The following COL12A1 variants were observed in gnomAD, a reference collection of about 807,000 sequenced individuals.
The protein encoded by COL12A1 is collagen type XII alpha 1 chain.
Under a neutral mutation model 349.7 loss-of-function variants are expected in COL12A1, and 114 were observed. That is an observed-to-expected ratio of 0.33 (90% CI 0.28 to 0.38). The LOEUF (loss-of-function observed/expected upper bound fraction) is 0.38. Ranked by LOEUF, COL12A1 falls within the 10% of genes least tolerant of loss-of-function variation. The pLI, the probability that COL12A1 is intolerant of heterozygous loss-of-function variation, is 1.00. For synonymous variants in COL12A1, 1,369 were observed against 1,329.0 expected (o/e 1.03, Z -0.66); for missense variants, 3,284 against 3,756.9 (o/e 0.87, Z 3.29).
At chr6:75,095,609 G>A (rs531043333) in intron 59 of COL12A1, among the ~76,000 whole-genome samples, 2 of 129,476 alleles carry the variant, frequency 1.5e-5, no homozygotes, top group Non-Finnish European at 3.0e-5. Flanking sequence ...GGGCGACAGA[G>A]CGAGACTCCG....
rs761346214 is a variant in COL12A1, at chr6:75,090,084, C to T, written c.8941+26G>A. ...ACATTTGCAAATTCCTTCCTTTATC[C>T]CAATACAGAAGCCAGAAATGCCTAC... is the stretch of plus-strand genomic sequence containing the variant. On this transcript the variant is annotated intron_variant, in intron 63 of 65. Transcript: ENST00000322507. This position sits in a 1 kb window ranked among gnomAD's most constrained non-coding sequence, Gnocchi z 4.1. 1.2e-6 allele frequency: 2 copies of T among 1,611,100 alleles called. No homozygotes were observed. The highest frequency in any genetic ancestry group is 3.3e-5 in the Admixed American group (2 of 59,916).
At chr6:75,135,513 G>C (rs75432646) in intron 31 of COL12A1, among the ~76,000 whole-genome samples, 1 of 152,080 alleles carries the variant, frequency 6.6e-6, no homozygotes. Context: ...GTTACTTAAG[G>C]CCATCTAGCT....
chr6:75,109,824 T>G (rs993665754), intron 51 of COL12A1, among the ~76,000 whole-genome samples: 1 of 152,094 alleles, frequency 6.6e-6, no homozygotes. Flanking sequence ...AATGTTTGTA[T>G]TTCAACAATG....
In COL12A1 at chr6:75,175,095, C is replaced by T. The variant is rs373583477; in HGVS notation, c.2653G>A (p.Ala885Thr). The change falls in exon 13 of 66, where the codon GCC (alanine) becomes ACC (threonine). Residue 885 changes from alanine to threonine, a missense_variant. Coordinates refer to ENST00000322507, the MANE Select transcript of COL12A1 (RefSeq NM_004370.6). ...TCTCCAGCCCCAGACGCATACAAGG[C>T]TGTCACAGATAAGGCGTATTGTGTC... ...EGTQYALSVT[A>T]LYASGAGDAL... 9 of 1,614,070 alleles carry T rather than the reference C, an allele frequency of 5.6e-6. No homozygotes were observed. The highest frequency in any genetic ancestry group is 4.0e-5 in the African/African-American group (3 of 74,932).
chr6:75,131,740 G>A (rs1010861754), intron 35 of COL12A1, among the ~76,000 whole-genome samples, 200 bp downstream of exon 35: 2 of 152,160 alleles, frequency 1.3e-5, no homozygotes, highest in Non-Finnish European at 1.5e-5. Context: ...AACTCATCCA[G>A]CTAATTCACA....
chr6:75,091,340 C>T lies in COL12A1; in HGVS notation c.8735G>A (p.Cys2912Tyr). The T allele has an allele frequency of 6.2e-7, 1 of 1,613,482 alleles. No individual in the cohort carries two copies. Among genetic ancestry groups the T allele is most frequent in the Non-Finnish European group, 8.5e-7 (1 of 1,179,890 alleles). Residue 2912 changes from cysteine to tyrosine, a missense_variant, in exon 62 of 66, where the codon TGT becomes TAT. Coordinates refer to ENST00000322507, the MANE Select transcript of COL12A1 (RefSeq NM_004370.6). The part of the protein sequence containing the change: ...NMMRAVARQV[C>Y]EQLISGQMNR... The stretch of plus-strand genomic sequence containing the variant: ...AATTTTACCACTTATCAATTGTTCA[C>T]AGACTTGTCTTGCAACTGCTCGCAT...
At position 75,148,442 on chromosome 6, in the gene COL12A1, A is replaced by G. The variant is rs142348637; in HGVS notation, c.4203T>C (p.Phe1401=). Residue 1401 remains phenylalanine (F), a synonymous_variant, in exon 22 of 66, where the codon TTT becomes TTC. Transcript: ENST00000322507. ...CAGAAGGTGGTGTCCAGCTCACTCT[A>G]AAAGAACGATGGGTTCGCTCAGAAA... The part of the protein sequence containing the change: ...LVISERTHRS[F]RVSWTPPSDS... 2.6e-5 allele frequency: 42 copies of G among 1,613,572 alleles called. 1 individual carries two copies. In the African/African-American group the frequency reaches 4.8e-4, roughly 18 times the overall value.
chr6:75,109,037 C>A lies in COL12A1; in HGVS notation c.8081G>T (p.Gly2694Val), dbSNP rs1131691271. 5.0e-6 allele frequency: 8 copies of A among 1,612,138 alleles called. No homozygotes were observed. Among genetic ancestry groups the A allele is most frequent in the Non-Finnish European group, 5.1e-6 (6 of 1,179,268 alleles). ...ACTCACTGCGGCTGATTTCCTTTCC[C>A]CTTTAAGGAGTTTTCCAAGAATTTC... ...GYEILGKLLK[G>V]ERKSAAFQIQ... is the part of the protein sequence containing the mutation. Residue 2694 changes from glycine to valine, a missense_variant, in exon 52 of 66, where the codon GGG (glycine) becomes GTG (valine). Gly to Val is a moderately radical substitution (Grantham distance 109, BLOSUM62 -3). Around this residue, in one of 2 missense-constraint regions of COL12A1, gnomAD observed 683 missense variants for 932.1 expected, o/e 0.73. Coordinates refer to ENST00000322507, the MANE Select transcript of COL12A1 (RefSeq NM_004370.6).
At chr6:75,101,344 T>C (rs774051973) in intron 58 of COL12A1, among the ~76,000 whole-genome samples, 1 of 152,228 alleles carries the variant, frequency 6.6e-6, no homozygotes, top group Non-Finnish European at 1.5e-5. Context: ...TGGACTTCTT[T>C]TTATGAATAT....
chr6:75,113,540 A>G lies in COL12A1; in HGVS notation c.7840+62T>C, dbSNP rs1768936773. ...AGTCTATATTCAGAAAGTTTTTTAA[A>G]AGAGAAAAGAAAAACATAATCAAAA... On this transcript the variant is annotated intron_variant, in intron 50 of 65. Transcript: ENST00000322507. The G allele has an allele frequency of 2.7e-6, 4 of 1,499,282 alleles. No homozygotes were observed. The South Asian group carries it at 5.8e-5, about 22-fold the overall frequency. 92.9% of individuals were successfully genotyped at this position (1,499,282 alleles called of 1,614,324 possible).
chr6:75,117,592 T>C (rs769209870), intron 46 of COL12A1, 46 bp from the exon 47 acceptor site: 14 of 1,587,520 alleles, frequency 8.8e-6, no homozygotes, highest in Non-Finnish European at 1.2e-5. Flanking sequence ...TCTTTTTCTG[T>C]CCTTGTTGTT....
At chr6:75,168,041 GGCACT>G (rs1426563381) in intron 13 of COL12A1, among the ~76,000 whole-genome samples, 3 of 152,184 alleles carry the variant, frequency 2.0e-5, no homozygotes, top group Non-Finnish European at 4.4e-5. Flanking sequence ...TGTAAAGGCA[GGCACT>G]GTCACTACAA....
chr6:75,154,496 T>G lies in COL12A1; in HGVS notation c.3485A>C (p.Asp1162Ala), dbSNP rs770692332. ...TYKVNVFGMF[D>A]GGESSPLVGQ... ...AACAAGTGGTGAGCTTTCTCCTCCA[T>G]CAAACATTCCAAAAACATTTACTTT... The change falls in exon 17 of 66, where the codon GAT becomes GCT. Residue 1162 changes from aspartate (D) to alanine (A), a missense_variant. This residue lies in a region of COL12A1 where 2,601 missense variants were observed against 2,824.8 expected (regional missense o/e 0.92). Transcript: ENST00000322507. 4.3e-6 allele frequency: 7 copies of G among 1,609,898 alleles called. No homozygotes were observed. Among genetic ancestry groups the G allele is most frequent in the Non-Finnish European group, 5.9e-6 (7 of 1,177,448 alleles).
intron 14 of COL12A1, among the ~76,000 whole-genome samples, chr6:75,163,910 GA>G (rs970828518): frequency 6.6e-6 from 1 of 152,030 alleles, no homozygotes; most frequent in African/African-American, 2.4e-5. Context: ...ATTTCTGGAG[GA>G]AAAAAATCCC....
chr6:75,160,150 C>G (rs1767964106), intron 14 of COL12A1, among the ~76,000 whole-genome samples: 2 of 151,986 alleles, frequency 1.3e-5, no homozygotes, highest in Non-Finnish European at 2.9e-5. Context: ...AATGCTGTTA[C>G]ACCCTCTCAC....
At chr6:75,183,694 A>G in intron 9 of COL12A1, 42 bp from the exon 10 acceptor site, 1 of 1,551,738 alleles carries the variant, frequency 6.4e-7, no homozygotes, top group Admixed American at 2.1e-5. Flanking sequence ...AATACATATT[A>G]ATCATTAAAA....
In COL12A1 at chr6:75,140,655, CAAAAA is replaced by C. The variant is rs1236499281; in HGVS notation, c.4957+1372_4957+1376del. Among the ~76,000 whole-genome samples, 29 of 46,134 alleles carry C rather than the reference CAAAAA, an allele frequency of 6.3e-4. No homozygotes were observed. The Middle Eastern group carries it at 0.034, about 54-fold the overall frequency. The allele number at this position is 46,134 out of a possible 152,430, so 30.3% of individuals were successfully genotyped here. A position where few individuals can be genotyped will look rare whatever the true frequency, so the allele number is the denominator to read the frequency against. On this transcript the variant is annotated intron_variant, in intron 27 of 65. Coordinates refer to ENST00000322507, the MANE Select transcript of COL12A1 (RefSeq NM_004370.6). ...TGGGTGACAGAGCGAGACTCTGTCT[CAAAAA>C]AAAAAAAAAAAAAAAAAAGCAGGTT...
In COL12A1 at chr6:75,085,130, C is replaced by G. The variant is rs1767416880; in HGVS notation, c.*1417G>C. ...AAAGACGTACACTGCTCTATCTGAC[C>G]TGTAAATGAGAATTTCAACACCTCC... On this transcript the variant is annotated 3_prime_UTR_variant, in exon 66 of 66. Coordinates refer to ENST00000322507, the MANE Select transcript of COL12A1 (RefSeq NM_004370.6). The G allele has an allele frequency of 2.3e-6, 1 of 431,604 alleles. No individual in the cohort carries two copies. Among genetic ancestry groups the G allele is most frequent in the Non-Finnish European group, 4.7e-6 (1 of 212,892 alleles). The allele number at this position is 431,604 out of a possible 1,614,324, so 26.7% of individuals were successfully genotyped here. A position where few individuals can be genotyped will look rare whatever the true frequency, so the allele number is the denominator to read the frequency against.
intron 65 of COL12A1, chr6:75,087,338 G>T: frequency 2.2e-6 from 1 of 464,572 alleles, no homozygotes; most frequent in South Asian, 4.9e-5. Context: ...GTAAGGGGAG[G>T]TTTATGATGT....
Sources: allele counts gnomAD v4.1 joint callset (sites outside exome capture counted in the v4.1 genomes callset), GRCh38; gene constraint gnomAD v4.1.1; regional missense constraint gnomAD v4.1.1; non-coding constraint Gnocchi (gnomAD v3.1); transcripts MANE v1.5; gene names NCBI Gene and HGNC (gene_info 2026-07-23, HGNC 2026-07-21).